LRRC7: variants seen among roughly 807,000 people sequenced by gnomAD.
LRRC7 encodes the protein leucine rich repeat containing 7.
Under a neutral mutation model 175.7 loss-of-function variants are expected in LRRC7, and 23 were observed. The observed-to-expected ratio is 0.13, with a 90% CI of 0.09 to 0.19. LRRC7 has a LOEUF of 0.19. Ranked by LOEUF, LRRC7 falls within the 10% of genes least tolerant of loss-of-function variation. The pLI, the probability that LRRC7 is intolerant of heterozygous loss-of-function variation, is 1.00. For missense variants in LRRC7, 1,354 were observed against 1,904.7 expected, an observed-to-expected ratio of 0.71 and a Z score of 5.38; for synonymous variants, 685 against 680.9, an observed-to-expected ratio of 1.01 and a Z score of -0.09.
rs1352904965 is a variant in LRRC7, at chr1:69,931,495, C to T, written c.648-12C>T. ...ACTACCTCACAATAGTATTTTTCTC[C>T]ATCTGTTGTAGGTCAATGCACAAAC... On this transcript the variant is annotated splice_polypyrimidine_tract_variant and intron_variant, in intron 7 of 26. Transcript: ENST00000651989. The T allele has an allele frequency of 1.9e-6, 3 of 1,609,384 alleles. No individual in the cohort carries two copies. Among genetic ancestry groups the T allele is most frequent in the African/African-American group, 1.3e-5 (1 of 74,918 alleles).
At chr1:69,825,924 G>A in intron 5 of LRRC7, 98 bp downstream of exon 5, 2 of 681,480 alleles carry the variant, frequency 2.9e-6, no homozygotes, top group Non-Finnish European at 4.6e-6. Context: ...AAATTTAAAT[G>A]TAGCATTGAC....
intron 7 of LRRC7, chr1:69,919,488 C>T (rs1037710931): frequency 6.3e-5 from 59 of 936,228 alleles, no homozygotes; most frequent in African/African-American, 9.7e-5. Context: ...GCAGCAGTGG[C>T]GGCAAAATCT....
chr1:69,807,241 CTT>C (rs1677230101), intron 4 of LRRC7, among the ~76,000 whole-genome samples: 1 of 152,050 alleles, frequency 6.6e-6, no homozygotes, highest in Non-Finnish European at 1.5e-5. Context: ...GGTCTTGACT[CTT>C]TATCCAATTT....
intron 8 of LRRC7, among the ~76,000 whole-genome samples, chr1:69,977,782 G>A (rs1316990634): frequency 6.6e-6 from 1 of 152,048 alleles, no homozygotes; most frequent in Non-Finnish European, 1.5e-5. Context: ...CAAGATAATG[G>A]GGCAGAAACG....
chr1:69,892,039 A>T (rs541821493), intron 7 of LRRC7, among the ~76,000 whole-genome samples: 2 of 152,342 alleles, frequency 1.3e-5, no homozygotes, highest in South Asian at 2.1e-4. Context: ...TAATTTCACA[A>T]TGTATACATA....
intron 7 of LRRC7, among the ~76,000 whole-genome samples, chr1:69,848,119 T>G (rs1682579590): frequency 6.6e-6 from 1 of 152,260 alleles, no homozygotes; most frequent in African/African-American, 2.4e-5. Flanking sequence ...AGATTTTGCA[T>G]TCTGAGTGGT....
intron 25 of LRRC7, among the ~76,000 whole-genome samples, chr1:70,098,192 T>C (rs1257247964): frequency 6.6e-6 from 1 of 152,230 alleles, no homozygotes; most frequent in Non-Finnish European, 1.5e-5. Flanking sequence ...TGGTTTTGAT[T>C]TGCATTTCTC....
At chr1:69,677,731 CT>C (rs1659970420) in intron 1 of LRRC7, among the ~76,000 whole-genome samples, 1 of 151,954 alleles carries the variant, frequency 6.6e-6, no homozygotes, top group Non-Finnish European at 1.5e-5. Context: ...CAAATAATTA[CT>C]CTTTAGTCGA....
At chr1:69,686,962 AT>A (rs1208924611) in intron 2 of LRRC7, among the ~76,000 whole-genome samples, 1 of 152,214 alleles carries the variant, frequency 6.6e-6, no homozygotes, top group Non-Finnish European at 1.5e-5. Context: ...CTATATTAAT[AT>A]CAAGATAAAG....
rs146644987 is a variant in LRRC7 at position 69,945,879 on chromosome 1, G to A, written c.711+14309G>A. On this transcript the variant is annotated intron_variant, in intron 8 of 26. Transcript: ENST00000651989. ...AATTTGTTTATTAGTTCTAATTTTA[G>A]TGGAACCTTTGGGGCTTTCCATATA... Among the ~76,000 whole-genome samples the A allele has an allele frequency of 9.2e-5, 14 of 152,190 alleles. No homozygotes were observed. The East Asian group carries it at 2.7e-3, about 29-fold the overall frequency.
intron 23 of LRRC7, among the ~76,000 whole-genome samples, chr1:70,057,695 G>A (rs983580238): frequency 6.6e-6 from 1 of 152,058 alleles, no homozygotes; most frequent in African/African-American, 2.4e-5. Context: ...GACTGAACTT[G>A]TGGCTCTCTG....
chr1:69,705,202 A>T (rs146874592), intron 2 of LRRC7, among the ~76,000 whole-genome samples: 1 of 152,122 alleles, frequency 6.6e-6, no homozygotes, highest in African/African-American at 2.4e-5. Flanking sequence ...TTTATTTTTC[A>T]CTACAATTAC....
At chr1:69,694,848 G>A (rs1412346599) in intron 2 of LRRC7, among the ~76,000 whole-genome samples, 3 of 151,926 alleles carry the variant, frequency 2.0e-5, no homozygotes, top group Non-Finnish European at 2.9e-5. Context: ...GCAGATGCTG[G>A]CACCATGCTT....
At chr1:69,571,094 T>C (rs1256047876) in intron 1 of LRRC7, among the ~76,000 whole-genome samples, 1 of 152,210 alleles carries the variant, frequency 6.6e-6, no homozygotes, top group Non-Finnish European at 1.5e-5. Flanking sequence ...AGAAAAACAG[T>C]CAATTTTCAT....
rs1438413971 is a variant in LRRC7, at chr1:69,599,574, G to A, written c.2+30933G>A. Among the ~76,000 whole-genome samples the A allele has an allele frequency of 1.3e-5, 2 of 152,304 alleles. 1 individual carries two copies. ...AATAATATTCATCAGGGAGTCACATGTGACAAATTAGAAGCAACATACTAT... is the reference window on the plus strand; with the variant it reads ...AATAATATTCATCAGGGAGTCACATATGACAAATTAGAAGCAACATACTAT... On this transcript the variant is annotated intron_variant, in intron 1 of 26. Transcript: ENST00000651989.
intron 23 of LRRC7, among the ~76,000 whole-genome samples, chr1:70,059,473 AAGTGTG>A (rs1661405486): frequency 1.0e-5 from 1 of 99,548 alleles, no homozygotes; most frequent in African/African-American, 4.4e-5. Flanking sequence ...AACTAGAAGA[AAGTGTG>A]TGTGTGTGTG....
At chr1:69,612,380 T>G (rs1037415574) in intron 1 of LRRC7, among the ~76,000 whole-genome samples, 1 of 151,992 alleles carries the variant, frequency 6.6e-6, no homozygotes. Flanking sequence ...TCCCAATAAC[T>G]TGAAAATACT....
Position 69,731,258 on chromosome 1 carries a change from C to T in LRRC7, c.101-28933C>T, listed in dbSNP as rs547505078. 3.9e-5 allele frequency among the ~76,000 whole-genome samples: 6 copies of T among 152,132 alleles called. No individual in the cohort carries two copies. The East Asian group carries it at 7.7e-4, about 20-fold the overall frequency. On this transcript the variant is annotated intron_variant, in intron 2 of 26. Coordinates refer to ENST00000651989, the MANE Select transcript of LRRC7 (RefSeq NM_001370785.2). ...CTGAGCTTGCAGTGAGCCAAGATCA[C>T]GCCACTGCACTCCAGCAAGACTCCA...
intron 4 of LRRC7, among the ~76,000 whole-genome samples, chr1:69,794,610 A>C (rs963816339): frequency 1.3e-5 from 2 of 152,252 alleles, no homozygotes; most frequent in African/African-American, 4.8e-5. Flanking sequence ...GAGAAATAGT[A>C]TATGGACAAT....
Sources: gnomAD v4.1 joint callset for allele counts (sites outside exome capture counted in the v4.1 genomes callset) on GRCh38, gnomAD v4.1.1 for gene constraint, MANE v1.5 for transcripts, NCBI Gene and HGNC (gene_info 2026-07-23, HGNC 2026-07-21) for gene names.